Variants in CASC3 observed in about 807,000 individuals in gnomAD.
CASC3 encodes CASC3 exon junction complex subunit.
Under a neutral mutation model 80.5 loss-of-function variants are expected in CASC3, and 30 were observed. That is an observed-to-expected ratio of 0.37 (90% CI 0.28 to 0.51). The LOEUF (loss-of-function observed/expected upper bound fraction) is 0.51, where lower values mean the gene tolerates loss of function less well. CASC3 is among the 20% of genes least tolerant of loss of function. The pLI is 0.94. For missense variants in CASC3, 824 were observed against 922.2 expected (o/e 0.89, Z 1.38); for synonymous variants, 312 against 333.6 (o/e 0.94, Z 0.70).
At position 40,167,700 on chromosome 17, in the gene CASC3, T is replaced by A. The variant is rs897665765; in HGVS notation, c.1651+88T>A. 3.2e-6 allele frequency: 4 copies of A among 1,259,800 alleles called. No individual in the cohort carries two copies. In the African/African-American group the frequency reaches 5.9e-5, roughly 19 times the overall value. 78.0% of individuals were successfully genotyped at this position (1,259,800 alleles called of 1,614,324 possible). On this transcript the variant is annotated intron_variant, in intron 9 of 13. Transcript: ENST00000264645. The stretch of plus-strand genomic sequence containing the variant: ...GCTCCTGGCTCCTGAATTTCTCTTC[T>A]GACCTCTTATAGTGGTTATCAAACA...
At position 40,166,844 on chromosome 17, in the gene CASC3, A is replaced by C; in HGVS notation, c.1519A>C (p.Asn507His). 6.2e-7 allele frequency: 1 copy of C among 1,607,246 alleles called. No homozygotes were observed. The highest frequency in any genetic ancestry group is 1.1e-5 in the South Asian group (1 of 89,510). ...HMGAGPPPQF[N>H]RMEEMGVQGG... ...GGGAGCAGGACCTCCACCTCAGTTT[A>C]ACCGGATGGAAGAAATGGTACAGAA... The change falls in exon 8 of 14, where the codon AAC becomes CAC. Residue 507 changes from asparagine to histidine, a missense_variant. This residue lies in a region of CASC3 where 464 missense variants were observed against 506.0 expected (regional missense o/e 0.92). Coordinates refer to ENST00000264645, the MANE Select transcript of CASC3 (RefSeq NM_007359.5).
intron 3 of CASC3, among the ~76,000 whole-genome samples, chr17:40,142,841 C>T (rs1015300155): frequency 6.6e-6 from 1 of 151,882 alleles, no homozygotes. Flanking sequence ...GCGGAGCTTG[C>T]AGTGAGCTGA....
intron 7 of CASC3, among the ~76,000 whole-genome samples, chr17:40,165,059 T>C (rs1316637501): frequency 6.6e-6 from 1 of 151,536 alleles, no homozygotes; most frequent in Non-Finnish European, 1.5e-5. Context: ...TAGCTGGGAC[T>C]ACAGGCGCCC....
intron 3 of CASC3, among the ~76,000 whole-genome samples, chr17:40,153,812 G>A (rs1307929621): frequency 4.0e-5 from 6 of 151,866 alleles, no homozygotes; most frequent in Non-Finnish European, 1.5e-5. Flanking sequence ...GGTGGCTCAC[G>A]CCTATAATCC....
At chr17:40,157,948 C>T (rs111484523) in intron 3 of CASC3, among the ~76,000 whole-genome samples, 1,799 of 152,266 alleles carry the variant, frequency 0.012, 21 homozygotes, top group Non-Finnish European at 0.019. Context: ...TCATAAAGGT[C>T]TTCATCATCT....
At chr17:40,168,725 G>A (rs1989517243) in intron 11 of CASC3, 1 of 333,854 alleles carries the variant, frequency 3.0e-6, no homozygotes, top group Admixed American at 4.5e-5. Flanking sequence ...CGAGTAGCTG[G>A]GATTACAGTG....
intron 1 of CASC3, 179 bp downstream of exon 1, chr17:40,140,958 A>G (rs1293784539): frequency 1.4e-5 from 9 of 641,128 alleles, no homozygotes; most frequent in African/African-American, 3.7e-5. Context: ...AGGGAAGAAG[A>G]AGGATTGGGG....
In CASC3 at chr17:40,161,920, A is replaced by AT; in HGVS notation, c.456+11dup. 6.2e-7 allele frequency: 1 copy of AT among 1,613,666 alleles called. No individual in the cohort carries two copies. Among genetic ancestry groups the AT allele is most frequent in the Non-Finnish European group, 8.5e-7 (1 of 1,179,866 alleles). ...AAAGTGGGGACGGACAGGTTAGTAC[A>AT]TTCCACAGTCCTCCATTTTAGAGGC... On this transcript the variant is annotated intron_variant, in intron 4 of 13. Coordinates refer to ENST00000264645, the MANE Select transcript of CASC3 (RefSeq NM_007359.5).
chr17:40,154,596 C>CCCTTAT (rs1416737557), intron 3 of CASC3, among the ~76,000 whole-genome samples: 4 of 151,822 alleles, frequency 2.6e-5, no homozygotes, highest in Non-Finnish European at 5.9e-5. Flanking sequence ...AGATGTAAGT[C>CCCTTAT]CCTTATCAGA....
In CASC3 at chr17:40,167,939, C is replaced by G; in HGVS notation, c.1741C>G (p.Pro581Ala). The stretch of plus-strand genomic sequence containing the variant: ...GCTTGTGCAGCCAGGAATGAACCTT[C>G]CCCACCCAGGTAAGCTTTGTGTCTC... ...GMLVQPGMNL[P>A]HPGLHPHQTP... Residue 581 changes from proline (P) to alanine (A), a missense_variant, in exon 10 of 14, where the codon CCC becomes GCC. By Grantham distance (27) the Pro-to-Ala change is conservative. Around this residue, in one of 3 missense-constraint regions of CASC3, gnomAD observed 464 missense variants for 506.0 expected, o/e 0.92. Transcript: ENST00000264645. 1 of 1,613,920 alleles carries G rather than the reference C, an allele frequency of 6.2e-7. No homozygotes were observed. Among genetic ancestry groups the G allele is most frequent in the Non-Finnish European group, 8.5e-7 (1 of 1,179,852 alleles).
intron 13 of CASC3, 69 bp downstream of exon 13, chr17:40,169,731 C>G: frequency 4.1e-6 from 1 of 243,780 alleles, no homozygotes; most frequent in Non-Finnish European, 8.0e-6. Flanking sequence ...ACAAAAATCA[C>G]TTAATTAATG....
intron 8 of CASC3, 124 bp downstream of exon 8, chr17:40,166,985 G>T: frequency 2.9e-6 from 2 of 690,136 alleles, no homozygotes; most frequent in South Asian, 4.4e-5. Context: ...TTGAGACAGA[G>T]TCTCGCTCTG....
Position 40,170,854 on chromosome 17 carries a change from T to C in CASC3, c.*449T>C. The C allele has an allele frequency of 1.0e-6, 1 of 985,172 alleles. No homozygotes were observed. The highest frequency in any genetic ancestry group is 1.2e-6 in the Non-Finnish European group (1 of 829,556). 61.0% of individuals were successfully genotyped at this position (985,172 alleles called of 1,614,324 possible). ...TATTTTAATTTTTTCTCTTTGTTTC[T>C]GTTTCTTGCTCTCTCTCCCTGCCTT... On this transcript the variant is annotated 3_prime_UTR_variant, in exon 14 of 14. Coordinates refer to ENST00000264645, the MANE Select transcript of CASC3 (RefSeq NM_007359.5).
chr17:40,141,464 G>A, intron 2 of CASC3, 106 bp from the exon 3 acceptor site: 2 of 986,328 alleles, frequency 2.0e-6, no homozygotes, highest in South Asian at 2.7e-5. Flanking sequence ...TATCCACGTT[G>A]TAGGTTGATG....
intron 3 of CASC3, among the ~76,000 whole-genome samples, chr17:40,161,269 G>A (rs959868028): frequency 2.1e-4 from 32 of 152,154 alleles, no homozygotes; most frequent in African/African-American, 7.5e-4. Context: ...GAGCCACTGT[G>A]CCAGGCCAAA....
At position 40,141,600 on chromosome 17, in the gene CASC3, A is replaced by C. The variant is rs765673382; in HGVS notation, c.290A>C (p.Asp97Ala). ...CTCTCGGATTATGAAAGTGCAGAAGACTCGGAAGTGAGTATGACAGGTTTT... is the reference window on the plus strand; with the variant it reads ...CTCTCGGATTATGAAAGTGCAGAAGCCTCGGAAGTGAGTATGACAGGTTTT... ...AVLSDYESAE[D>A]SEGEEGEYSE... is the part of the protein sequence containing the mutation. Residue 97 changes from aspartate (D) to alanine (A), a missense_variant, in exon 3 of 14, where the codon GAC (aspartate) becomes GCC (alanine). By Grantham distance (126) the Asp-to-Ala change is moderately radical. This residue lies in a region of CASC3 where 201 missense variants were observed against 294.1 expected (regional missense o/e 0.68). Coordinates refer to ENST00000264645, the MANE Select transcript of CASC3 (RefSeq NM_007359.5). 2 of 1,613,452 alleles carry C rather than the reference A, an allele frequency of 1.2e-6. No individual in the cohort carries two copies. Among genetic ancestry groups the C allele is most frequent in the South Asian group, 2.2e-5 (2 of 90,994 alleles).
chr17:40,147,401 G>A (rs1293454173), intron 3 of CASC3, among the ~76,000 whole-genome samples: 1 of 152,140 alleles, frequency 6.6e-6, no homozygotes, highest in East Asian at 1.9e-4. Context: ...CATTTTGGGA[G>A]GCTGAGGCAG....
In CASC3 at chr17:40,165,955, C is replaced by T. The variant is rs544506001; in HGVS notation, c.1472-842C>T. The stretch of plus-strand genomic sequence containing the variant: ...TGATTTTTTTTATTTTTTGAAAAGA[C>T]GGGGGGTCTCACTGTGTTTTCCAGG... On this transcript the variant is annotated intron_variant, in intron 7 of 13. Transcript: ENST00000264645. 4.0e-5 allele frequency among the ~76,000 whole-genome samples: 6 copies of T among 151,252 alleles called. No homozygotes were observed. In the East Asian group the frequency reaches 5.8e-4, roughly 15 times the overall value.
chr17:40,142,125 T>A (rs1988733661), intron 3 of CASC3, among the ~76,000 whole-genome samples: 1 of 152,220 alleles, frequency 6.6e-6, no homozygotes, highest in South Asian at 2.1e-4. Context: ...CCTGGGTTGT[T>A]GAGTGGACTC....
Sources: allele counts gnomAD v4.1 joint callset (sites outside exome capture counted in the v4.1 genomes callset), GRCh38; gene constraint gnomAD v4.1.1; regional missense constraint gnomAD v4.1.1; transcripts MANE v1.5; gene names NCBI Gene and HGNC (gene_info 2026-07-23, HGNC 2026-07-21).